ADAM32: variants seen among roughly 807,000 people sequenced by gnomAD.
ADAM32 encodes disintegrin and metalloproteinase domain-containing protein 32.
In ADAM32, 89 loss-of-function variants were observed where a neutral mutation model predicts 114.9. That is an observed-to-expected ratio of 0.77 (90% CI 0.65 to 0.92). The LOEUF is 0.92. ADAM32 is among the 40% of genes least tolerant of loss of function. The pLI, the probability that ADAM32 is intolerant of heterozygous loss-of-function variation, is 0.00. For missense variants in ADAM32, 870 were observed against 932.8 expected (o/e 0.93, Z 0.88); for synonymous variants, 285 against 307.5 (o/e 0.93, Z 0.77).
At position 39,107,816 on chromosome 8, in the gene ADAM32, T is replaced by A; in HGVS notation, c.41T>A (p.Leu14His). The A allele has an allele frequency of 6.5e-7, 1 of 1,548,012 alleles. No individual in the cohort carries two copies. The highest frequency in any genetic ancestry group is 1.2e-5 in the South Asian group (1 of 83,832). ...LWLLLAGLCG[L>H]LASRPGFQNS... ...TTGCTGCTGGCCGGGCTCTGCGGCC[T>A]CCTGGCGTCAAGACCCGGTGAGCCA... is the stretch of plus-strand genomic sequence containing the variant. The change falls in exon 1 of 25, where the codon CTC (leucine) becomes CAC (histidine). Residue 14 changes from leucine to histidine, a missense_variant. Transcript: ENST00000379907.
chr8:39,176,380 G>A (rs1004705452), intron 10 of ADAM32, among the ~76,000 whole-genome samples: 12 of 152,110 alleles, frequency 7.9e-5, no homozygotes, highest in South Asian at 4.1e-4. Context: ...ATTCCGGTAC[G>A]TTGTCTCTTT....
At chr8:39,121,876 G>T (rs971108934) in intron 2 of ADAM32, among the ~76,000 whole-genome samples, 20 of 152,212 alleles carry the variant, frequency 1.3e-4, no homozygotes, top group Admixed American at 2.6e-4. Flanking sequence ...GCCCAGCAGG[G>T]TAGAGCATCC....
At chr8:39,211,347 T>C in intron 12 of ADAM32, 23 bp downstream of exon 12, 11 of 1,435,926 alleles carry the variant, frequency 7.7e-6, no homozygotes, top group Non-Finnish European at 1.0e-5. Flanking sequence ...ACTAGGAAAA[T>C]TGATTAATAA....
intron 5 of ADAM32, among the ~76,000 whole-genome samples, chr8:39,150,228 TACTTGCAC>T (rs1437448929): frequency 6.6e-6 from 1 of 152,174 alleles, no homozygotes; most frequent in Admixed American, 6.5e-5. Flanking sequence ...TAATGCTGTA[TACTTGCAC>T]ACTTAGCAAT....
intron 12 of ADAM32, among the ~76,000 whole-genome samples, chr8:39,213,438 C>T (rs935751512): frequency 6.6e-6 from 1 of 150,702 alleles, no homozygotes; most frequent in African/African-American, 2.4e-5. Flanking sequence ...TTCCATTTAC[C>T]TGTATTTTAG....
At chr8:39,216,727 A>G (rs1383100493) in intron 12 of ADAM32, among the ~76,000 whole-genome samples, 1 of 152,054 alleles carries the variant, frequency 6.6e-6, no homozygotes, top group African/African-American at 2.4e-5. Context: ...AAAGAAGGCT[A>G]ATAAAAACTC....
chr8:39,245,981 A>G (rs894292236), intron 16 of ADAM32, 102 bp from the exon 17 acceptor site: 10 of 929,804 alleles, frequency 1.1e-5, no homozygotes, highest in Admixed American at 4.5e-5. Flanking sequence ...AATTTGTATC[A>G]TTGAATGGCT....
At chr8:39,176,459 G>A (rs1012989359) in intron 10 of ADAM32, among the ~76,000 whole-genome samples, 2 of 152,122 alleles carry the variant, frequency 1.3e-5, no homozygotes, top group African/African-American at 4.8e-5. Flanking sequence ...GAGTCCTTTG[G>A]GAGCAGGTTG....
At chr8:39,168,895 G>C (rs1366052111) in intron 9 of ADAM32, 1 of 152,132 alleles carries the variant, frequency 6.6e-6, no homozygotes, top group Non-Finnish European at 1.5e-5. Flanking sequence ...AATTTTAGGG[G>C]AAGTCTAAGT....
intron 23 of ADAM32, among the ~76,000 whole-genome samples, chr8:39,281,887 T>C (rs937353344): frequency 2.6e-5 from 4 of 152,220 alleles, no homozygotes; most frequent in African/African-American, 9.7e-5. Flanking sequence ...AAAATATCCT[T>C]TATACACACA....
intron 11 of ADAM32, among the ~76,000 whole-genome samples, chr8:39,194,694 C>T (rs541621701): frequency 2.6e-5 from 4 of 152,228 alleles, no homozygotes; most frequent in Admixed American, 6.5e-5. Context: ...ATGCTGGGTC[C>T]GTGGGAGAGT....
intron 16 of ADAM32, among the ~76,000 whole-genome samples, chr8:39,239,469 T>G (rs550711675): frequency 5.8e-4 from 88 of 152,262 alleles, no homozygotes; most frequent in African/African-American, 2.1e-3. Flanking sequence ...TAGAACCTCT[T>G]TAAAGCATAA....
rs781425044 is a variant in ADAM32, at chr8:39,160,894, T to C, written c.526-3T>C. On this transcript the variant is annotated splice_region_variant and splice_polypyrimidine_tract_variant and intron_variant, in intron 6 of 24. Transcript: ENST00000379907. ...TATTATATGCTGTTTTCCTTTTTTC[T>C]AGTCAGAACCAGCTGTTCCAGATTT... 1 of 1,582,858 alleles carries C rather than the reference T, an allele frequency of 6.3e-7. No homozygotes were observed. Among genetic ancestry groups the C allele is most frequent in the Admixed American group, 1.9e-5 (1 of 53,986 alleles).
chr8:39,251,196 G>T (rs772372449), intron 17 of ADAM32, among the ~76,000 whole-genome samples: 12 of 151,906 alleles, frequency 7.9e-5, no homozygotes, highest in Non-Finnish European at 1.3e-4. Flanking sequence ...CTCAGTAGTA[G>T]AATTGCTGGG....
At chr8:39,161,251 T>C (rs535406136) in intron 7 of ADAM32, among the ~76,000 whole-genome samples, 1 of 152,336 alleles carries the variant, frequency 6.6e-6, no homozygotes, top group East Asian at 1.9e-4. Flanking sequence ...TACCATTTAA[T>C]GGTGATTTTG....
intron 18 of ADAM32, among the ~76,000 whole-genome samples, chr8:39,255,262 T>C (rs902276488): frequency 6.6e-6 from 1 of 152,122 alleles, no homozygotes; most frequent in Admixed American, 6.6e-5. Flanking sequence ...GATTGCTGGA[T>C]CAAATGGTAG....
intron 17 of ADAM32, among the ~76,000 whole-genome samples, chr8:39,249,927 A>C (rs1204981442): frequency 6.6e-6 from 1 of 152,124 alleles, no homozygotes; most frequent in African/African-American, 2.4e-5. Flanking sequence ...ATGGTTGCTG[A>C]AGAGAAGTCC....
At chr8:39,283,925 C>T (rs1034897662) in intron 24 of ADAM32, among the ~76,000 whole-genome samples, 4 of 152,192 alleles carry the variant, frequency 2.6e-5, no homozygotes, top group Non-Finnish European at 4.4e-5. Flanking sequence ...AGGCGTGTGC[C>T]GCCATGCCCG....
At chr8:39,160,291 A>C (rs958719199) in intron 6 of ADAM32, among the ~76,000 whole-genome samples, 1 of 152,248 alleles carries the variant, frequency 6.6e-6, no homozygotes, top group Non-Finnish European at 1.5e-5. Context: ...CTGTAATCCC[A>C]GCACTTTGGG....
Sources: gnomAD v4.1 joint callset for allele counts (sites outside exome capture counted in the v4.1 genomes callset) on GRCh38, gnomAD v4.1.1 for gene constraint, MANE v1.5 for transcripts, NCBI Gene and HGNC (gene_info 2026-07-23, HGNC 2026-07-21) for gene names.